Variants in LARGE1 observed in about 807,000 individuals in gnomAD.
LARGE1 encodes the protein xylosyl- and glucuronyltransferase LARGE1.
In LARGE1, 43 loss-of-function variants were observed where a neutral mutation model predicts 87.6. The observed-to-expected ratio is 0.49, with a 90% CI of 0.38 to 0.63. The LOEUF (loss-of-function observed/expected upper bound fraction) is 0.63. Ranked by LOEUF, LARGE1 falls within the 30% of genes least tolerant of loss-of-function variation. The probability of loss-of-function intolerance (pLI) is 0.00; values close to 1 mark genes in which losing one functional copy is unlikely to be tolerated. For synonymous variants in LARGE1, 434 were observed against 394.6 expected (o/e 1.10, Z -1.18); for missense variants, 802 against 1,000.2 (o/e 0.80, Z 2.67).
Position 33,595,940 on chromosome 22 carries a change from T to A in LARGE1, c.615+8495A>T, listed in dbSNP as rs1157726499. Among the ~76,000 whole-genome samples, 3 of 152,336 alleles carry A rather than the reference T, an allele frequency of 2.0e-5. No homozygotes were observed. The South Asian group carries it at 6.2e-4, about 32-fold the overall frequency. ...AGAATGAAAAAGATGAAGATTTCAGTAAGGCATAAGGCGAATATTTCTAAT... is the reference window on the plus strand; with the variant it reads ...AGAATGAAAAAGATGAAGATTTCAGAAAGGCATAAGGCGAATATTTCTAAT... On this transcript the variant is annotated intron_variant, in intron 5 of 14. Coordinates refer to ENST00000397394, the MANE Select transcript of LARGE1 (RefSeq NM_133642.5).
intron 6 of LARGE1, among the ~76,000 whole-genome samples, chr22:33,503,888 C>A (rs565410656): frequency 6.6e-6 from 1 of 152,034 alleles, no homozygotes; most frequent in Non-Finnish European, 1.5e-5. Context: ...TCAGTCGAAC[C>A]GATGAATGGA....
At chr22:33,606,706 G>A (rs1185686717) in intron 4 of LARGE1, among the ~76,000 whole-genome samples, 1 of 152,148 alleles carries the variant, frequency 6.6e-6, no homozygotes, top group Admixed American at 6.5e-5. Flanking sequence ...CAGGGGATGA[G>A]CTGGATGCTG....
chr22:33,577,563 G>A (rs931981007), intron 5 of LARGE1, among the ~76,000 whole-genome samples: 1 of 152,158 alleles, frequency 6.6e-6, no homozygotes, highest in Non-Finnish European at 1.5e-5. Flanking sequence ...TCTTACCTCC[G>A]CCTTCCCATG....
intron 10 of LARGE1, among the ~76,000 whole-genome samples, chr22:33,319,352 T>C (rs766793065): frequency 2.3e-4 from 35 of 152,114 alleles, no homozygotes; most frequent in Non-Finnish European, 3.5e-4. Flanking sequence ...TCCTCCCCAA[T>C]TGCCAAAGTC....
chr22:33,307,488 T>C (rs181288665), intron 11 of LARGE1, among the ~76,000 whole-genome samples: 1 of 152,300 alleles, frequency 6.6e-6, no homozygotes, highest in African/African-American at 2.4e-5. Context: ...CTCCCCACTC[T>C]TTCCCCTCCT....
At chr22:33,463,507 T>G (rs1460153201) in intron 6 of LARGE1, among the ~76,000 whole-genome samples, 3 of 152,204 alleles carry the variant, frequency 2.0e-5, no homozygotes, top group African/African-American at 7.2e-5. Flanking sequence ...AGATTCATTA[T>G]CACACATACA....
chr22:33,518,430 T>C (rs1343271715), intron 6 of LARGE1, among the ~76,000 whole-genome samples: 1 of 152,236 alleles, frequency 6.6e-6, no homozygotes, highest in Non-Finnish European at 1.5e-5. Context: ...GCAATTCTCA[T>C]GCCTCAGCCT....
At chr22:33,450,338 CAATAT>C (rs2067859441) in intron 6 of LARGE1, among the ~76,000 whole-genome samples, 1 of 150,784 alleles carries the variant, frequency 6.6e-6, no homozygotes, top group Non-Finnish European at 1.5e-5. Flanking sequence ...ATGAGAACTC[CAATAT>C]AAAGAGGAGA....
At chr22:33,105,950 A>G in the LARGE1 span, 1 of 152,248 alleles carries the variant, frequency 6.6e-6, no homozygotes, top group Non-Finnish European at 1.5e-5. Context: ...CTTACCAGAT[A>G]TGTCAAATGA....
At position 33,291,833 on chromosome 22, in the gene LARGE1, C is replaced by G. The variant is rs550300494; in HGVS notation, c.1731-8485G>C. Among the ~76,000 whole-genome samples, 12 of 152,138 alleles carry G rather than the reference C, an allele frequency of 7.9e-5. No individual in the cohort carries two copies. In the South Asian group the frequency reaches 2.3e-3, roughly 29 times the overall value. On this transcript the variant is annotated intron_variant, in intron 12 of 14. Coordinates refer to ENST00000397394, the MANE Select transcript of LARGE1 (RefSeq NM_133642.5). ...TGGGGCCGGGCGTGGTGGCTCACAC[C>G]TATAATCCCAGCACTTTGGGAGGCC...
chr22:33,819,482 A>G (rs1401966051), intron 1 of LARGE1, among the ~76,000 whole-genome samples: 1 of 151,934 alleles, frequency 6.6e-6, no homozygotes, highest in Non-Finnish European at 1.5e-5. Flanking sequence ...GTGGCTATCC[A>G]TCCACAGGCT....
intron 2 of LARGE1, among the ~76,000 whole-genome samples, chr22:33,663,038 A>G (rs1245408097): frequency 1.3e-5 from 2 of 150,064 alleles, no homozygotes; most frequent in African/African-American, 2.5e-5. Context: ...AAGAAATAAG[A>G]GGAGGAAAAT....
At chr22:33,770,919 C>T (rs1569438305) in intron 1 of LARGE1, among the ~76,000 whole-genome samples, 1 of 152,156 alleles carries the variant, frequency 6.6e-6, no homozygotes, top group South Asian at 2.1e-4. Context: ...CCACTTACTT[C>T]CATGATGAAA....
the LARGE1 span, among the ~76,000 whole-genome samples, chr22:33,114,530 C>T: frequency 6.6e-6 from 1 of 152,180 alleles, no homozygotes; most frequent in Admixed American, 6.5e-5. Context: ...CTATTTGCTA[C>T]TTCTTCACAC....
intron 1 of LARGE1, among the ~76,000 whole-genome samples, chr22:33,837,110 A>G (rs560829929): frequency 6.6e-6 from 1 of 152,256 alleles, no homozygotes; most frequent in South Asian, 2.1e-4. Flanking sequence ...TGCTTTCTCC[A>G]GCCTCTTGTC....
At chr22:33,738,053 G>C (rs2283935) in intron 2 of LARGE1, among the ~76,000 whole-genome samples, 7,315 of 152,270 alleles carry the variant, frequency 0.048, 272 homozygotes, top group East Asian at 0.21. Context: ...TGATCTGGGG[G>C]TGTGGAGGTG....
intron 2 of LARGE1, among the ~76,000 whole-genome samples, chr22:33,694,399 G>A (rs2082183325): frequency 1.3e-5 from 2 of 152,248 alleles, no homozygotes; most frequent in Non-Finnish European, 1.5e-5. Flanking sequence ...TGCCTCTAGT[G>A]AACCTTTCTG....
At chr22:33,166,582 T>G in exon 12 of LARGE1, 1 of 367,056 alleles carries the variant, frequency 2.7e-6, no homozygotes, top group Non-Finnish European at 5.4e-6. Flanking sequence ...CATGTACTAC[T>G]TCAATCTTAC....
At chr22:33,296,719 C>A (rs1231372791) in intron 12 of LARGE1, among the ~76,000 whole-genome samples, 2 of 152,196 alleles carry the variant, frequency 1.3e-5, no homozygotes, top group East Asian at 3.9e-4. Context: ...CAGGCATGCA[C>A]CACCACGTCC....
Sources: allele counts gnomAD v4.1 joint callset (sites outside exome capture counted in the v4.1 genomes callset), GRCh38; gene constraint gnomAD v4.1.1; transcripts MANE v1.5; gene names NCBI Gene and HGNC (gene_info 2026-07-23, HGNC 2026-07-21).